PCDHA4: variants seen among roughly 807,000 people sequenced by gnomAD.
PCDHA4 encodes the protein protocadherin alpha-4.
In PCDHA4, 49 loss-of-function variants were observed where a neutral mutation model predicts 61.4. The observed-to-expected ratio is 0.80, with a 90% CI of 0.63 to 1.01. The LOEUF is 1.01. Among genes scored for constraint, PCDHA4 ranks in the 50% least tolerant of loss-of-function variants. The pLI, the probability that PCDHA4 is intolerant of heterozygous loss-of-function variation, is 0.00. For missense variants in PCDHA4, 1,254 were observed against 1,235.8 expected (o/e 1.01, Z -0.22); for synonymous variants, 590 against 550.3 (o/e 1.07, Z -1.01).
chr5:140,960,428 A>T (rs1317168418), intron 1 of PCDHA4, among the ~76,000 whole-genome samples: 3 of 152,178 alleles, frequency 2.0e-5, no homozygotes, highest in Non-Finnish European at 4.4e-5. Context: ...CAATTACTTG[A>T]TACTCTAGAT....
Position 140,858,435 on chromosome 5 carries a change from A to T in PCDHA4, c.2385+48863A>T, listed in dbSNP as rs2045411060. The T allele has an allele frequency of 2.5e-5, 38 of 1,543,330 alleles. 4 individuals are homozygous for T. Among genetic ancestry groups the T allele is most frequent in the Non-Finnish European group, 3.1e-5 (35 of 1,135,660 alleles). ...TCTATTGGAGGGGACCACTCTAGGA[A>T]GGTGGGTTATTACGTTTTCATTTTC... On this transcript the variant is annotated intron_variant, in intron 1 of 3. Transcript: ENST00000530339.
intron 1 of PCDHA4, chr5:140,853,127 C>A: frequency 1.7e-6 from 1 of 580,840 alleles, no homozygotes; most frequent in Non-Finnish European, 2.2e-6. Context: ...GATCCTCCCG[C>A]CTCAGCCTCC....
intron 3 of PCDHA4, among the ~76,000 whole-genome samples, chr5:141,000,501 C>G (rs1252221313): frequency 2.1e-5 from 3 of 139,584 alleles, no homozygotes; most frequent in Admixed American, 7.5e-5. Flanking sequence ...GATCTCGGCT[C>G]ACTGCAACCT....
At chr5:140,857,705 T>C in intron 1 of PCDHA4, 1 of 1,597,138 alleles carries the variant, frequency 6.3e-7, no homozygotes, top group Non-Finnish European at 8.6e-7. Flanking sequence ...GCTGCAGGTG[T>C]TCGTGCTGGA....
Position 140,807,110 on chromosome 5 carries a change from A to T in PCDHA4, c.-78A>T. ...TCTGAAATATGGAGGATGCAGCTGC[A>T]CTTGACTGACCGATTAAAAGATTTC... On this transcript the variant is annotated 5_prime_UTR_variant, in exon 1 of 4. Coordinates refer to ENST00000530339, the MANE Select transcript of PCDHA4 (RefSeq NM_018907.4). 1 of 1,493,414 alleles carries T rather than the reference A, an allele frequency of 6.7e-7. No individual in the cohort carries two copies. Among genetic ancestry groups the T allele is most frequent in the Non-Finnish European group, 9.1e-7 (1 of 1,095,856 alleles). The allele number at this position is 1,493,414 out of a possible 1,614,324, so 92.5% of individuals were successfully genotyped here. A position where few individuals can be genotyped will look rare whatever the true frequency, so the allele number is the denominator to read the frequency against.
intron 1 of PCDHA4, chr5:140,836,653 G>C (rs2150266924): frequency 6.2e-7 from 1 of 1,613,508 alleles, no homozygotes; most frequent in East Asian, 2.2e-5. Context: ...AGGCGGCAGA[G>C]GGTGTGCTCT....
At chr5:140,825,690 G>C (rs1554130328) in intron 1 of PCDHA4, 1 of 152,172 alleles carries the variant, frequency 6.6e-6, no homozygotes, top group Admixed American at 6.6e-5. Context: ...CCAAAGTGCT[G>C]GGATTGCAGG....
chr5:140,940,158 C>T (rs1159450232), intron 1 of PCDHA4, among the ~76,000 whole-genome samples: 3 of 151,970 alleles, frequency 2.0e-5, no homozygotes, highest in African/African-American at 7.3e-5. Context: ...TTTTTGTTTG[C>T]CTGAAATGTC....
chr5:140,921,215 CT>C (rs2080099389), intron 1 of PCDHA4, among the ~76,000 whole-genome samples: 1 of 151,942 alleles, frequency 6.6e-6, no homozygotes, highest in Admixed American at 6.6e-5. Context: ...TAATTCACGT[CT>C]TTTTTGCTAG....
At chr5:140,965,103 A>G (rs1453303865) in intron 1 of PCDHA4, among the ~76,000 whole-genome samples, 1 of 152,234 alleles carries the variant, frequency 6.6e-6, no homozygotes, top group Non-Finnish European at 1.5e-5. Context: ...TAGCTAGAAA[A>G]TGACCCATAG....
intron 1 of PCDHA4, among the ~76,000 whole-genome samples, chr5:140,953,290 A>G (rs1554220852): frequency 1.3e-5 from 2 of 152,124 alleles, no homozygotes; most frequent in Admixed American, 6.6e-5. Context: ...TATGTGATTC[A>G]GGGACGGCAG....
rs2150156470 is a variant in PCDHA4 at position 140,828,534 on chromosome 5, C to T, written c.2385+18962C>T. 6.2e-6 allele frequency: 10 copies of T among 1,614,104 alleles called. No homozygotes were observed. The Admixed American group carries it at 1.7e-4, about 27-fold the overall frequency. On this transcript the variant is annotated intron_variant, in intron 1 of 3. Transcript: ENST00000530339. ...GTGCTGATTTACGAATCTAGGCTGCCAGATTCTGTGTTTCCACTGGAGGGC... is the reference window on the plus strand; with the variant it reads ...GTGCTGATTTACGAATCTAGGCTGCTAGATTCTGTGTTTCCACTGGAGGGC...
intron 1 of PCDHA4, among the ~76,000 whole-genome samples, chr5:140,896,910 T>C (rs1174063416): frequency 1.3e-5 from 2 of 152,208 alleles, no homozygotes; most frequent in Non-Finnish European, 2.9e-5. Context: ...AAGCATGCAA[T>C]GCACAATAAT....
intron 1 of PCDHA4, among the ~76,000 whole-genome samples, chr5:140,910,884 T>C (rs748501328): frequency 3.3e-5 from 5 of 152,254 alleles, no homozygotes; most frequent in Non-Finnish European, 7.3e-5. Flanking sequence ...ACCCTTAATA[T>C]CCATTCCTAT....
chr5:140,835,549 T>G (rs2150237980), intron 1 of PCDHA4: 1 of 1,613,976 alleles, frequency 6.2e-7, no homozygotes, highest in Non-Finnish European at 8.5e-7. Flanking sequence ...ACCTGCTCCC[T>G]GACGCCCCGC....
At chr5:140,830,140 G>T (rs1305649998) in intron 1 of PCDHA4, 2 of 1,613,352 alleles carry the variant, frequency 1.2e-6, no homozygotes. Flanking sequence ...CACGGGCGTC[G>T]GTGGGCGCCG....
intron 1 of PCDHA4, chr5:140,927,106 A>C (rs782151576): frequency 6.2e-7 from 1 of 1,613,678 alleles, no homozygotes; most frequent in Non-Finnish European, 8.5e-7. Context: ...GGATCTACCC[A>C]GCGGCAATTT....
At chr5:140,878,731 A>G (rs1037542413) in intron 1 of PCDHA4, among the ~76,000 whole-genome samples, 3 of 152,370 alleles carry the variant, frequency 2.0e-5, no homozygotes, top group South Asian at 4.1e-4. Flanking sequence ...TTCCAGCCTT[A>G]TATCTACTTT....
At chr5:140,941,570 C>T (rs892912533) in intron 1 of PCDHA4, among the ~76,000 whole-genome samples, 17 of 152,046 alleles carry the variant, frequency 1.1e-4, no homozygotes, top group African/African-American at 4.1e-4. Context: ...TCGCCTCAGC[C>T]TCCCAAAGTG....
Sources: allele counts gnomAD v4.1 joint callset (sites outside exome capture counted in the v4.1 genomes callset), GRCh38; gene constraint gnomAD v4.1.1; transcripts MANE v1.5; gene names NCBI Gene and HGNC (gene_info 2026-07-23, HGNC 2026-07-21).